LUZP2: variants seen among roughly 807,000 people sequenced by gnomAD.
The protein encoded by LUZP2 is leucine zipper protein 2.
In LUZP2, 52 loss-of-function variants were observed where a neutral mutation model predicts 51.6. The ratio of observed to expected loss-of-function variants is 1.01; its 90% confidence interval spans 0.81 to 1.27. LUZP2 has a LOEUF of 1.27. Among genes scored for constraint, LUZP2 ranks in the 50% most tolerant of loss-of-function variants. The pLI is 0.00. For missense variants in LUZP2, 436 were observed against 395.4 expected, an observed-to-expected ratio of 1.10 and a Z score of -0.87; for synonymous variants, 154 against 137.3, an observed-to-expected ratio of 1.12 and a Z score of -0.85.
intron 1 of LUZP2, among the ~76,000 whole-genome samples, chr11:24,594,971 A>G (rs1294762579): frequency 6.6e-6 from 1 of 151,586 alleles, no homozygotes; most frequent in Non-Finnish European, 1.5e-5. Context: ...CATATTGTTC[A>G]GGCTGGTCTC....
chr11:24,722,881 C>A (rs1858330454), intron 1 of LUZP2, among the ~76,000 whole-genome samples: 1 of 151,392 alleles, frequency 6.6e-6, no homozygotes, highest in Non-Finnish European at 1.5e-5. Context: ...CATGCCACTG[C>A]ACTACAACCT....
chr11:24,887,149 C>G (rs1272906482), intron 5 of LUZP2, among the ~76,000 whole-genome samples: 1 of 152,126 alleles, frequency 6.6e-6, no homozygotes, highest in Non-Finnish European at 1.5e-5. Flanking sequence ...GTTTTCCTGG[C>G]ATCCTGGGGA....
At chr11:24,747,280 A>G (rs1396342120) in intron 4 of LUZP2, among the ~76,000 whole-genome samples, 1 of 152,064 alleles carries the variant, frequency 6.6e-6, no homozygotes, top group Non-Finnish European at 1.5e-5. Context: ...GTGGATGTTC[A>G]TTCCTGTGAG....
intron 1 of LUZP2, among the ~76,000 whole-genome samples, chr11:24,569,491 G>A (rs1459294069): frequency 6.6e-6 from 1 of 151,986 alleles, no homozygotes; most frequent in Non-Finnish European, 1.5e-5. Flanking sequence ...TAATGTTGAT[G>A]CTGCTACTCT....
intron 1 of LUZP2, among the ~76,000 whole-genome samples, chr11:24,679,529 C>T (rs1856667600): frequency 6.6e-6 from 1 of 152,058 alleles, no homozygotes; most frequent in Non-Finnish European, 1.5e-5. Flanking sequence ...TTTGGAGTTA[C>T]ACTTTACTTT....
chr11:24,865,118 G>A (rs1851850855), intron 5 of LUZP2, among the ~76,000 whole-genome samples: 1 of 152,146 alleles, frequency 6.6e-6, no homozygotes, highest in Non-Finnish European at 1.5e-5. Context: ...AGCATGAGAG[G>A]AAAAGTCAAT....
At chr11:24,913,374 G>A (rs993331317) in intron 6 of LUZP2, among the ~76,000 whole-genome samples, 4 of 152,074 alleles carry the variant, frequency 2.6e-5, no homozygotes, top group East Asian at 3.9e-4. Context: ...CTCAGCAGTA[G>A]TCTAGTACTC....
In LUZP2 at chr11:24,738,301, C is replaced by T; in HGVS notation, c.332C>T (p.Thr111Ile). 6.2e-7 allele frequency: 1 copy of T among 1,609,852 alleles called. No homozygotes were observed. The highest frequency in any genetic ancestry group is 8.5e-7 in the Non-Finnish European group (1 of 1,176,904). The change falls in exon 4 of 12, where the codon ACT becomes ATT. Residue 111 changes from threonine (T) to isoleucine (I), a missense_variant and splice_region_variant. Transcript: ENST00000336930. ...TSEKAEKHQA[T>I]INFLKTEVER... Reference sequence around the variant, plus strand: ...GAGAAAGCAGAAAAACACCAGGCTACTGTAAGTGTGTTTCTTCTTTGTGCC... The same window carrying T: ...GAGAAAGCAGAAAAACACCAGGCTATTGTAAGTGTGTTTCTTCTTTGTGCC...
rs1227001989 is a variant in LUZP2 at position 25,080,477 on chromosome 11, C to A, written c.*1819C>A. 1 of 124,730 alleles carries A rather than the reference C, an allele frequency of 8.0e-6. No homozygotes were observed. Among genetic ancestry groups the A allele is most frequent in the African/African-American group, 2.6e-5 (1 of 38,936 alleles). The allele number at this position is 124,730 out of a possible 1,614,324, so 7.7% of individuals were successfully genotyped here. ...TTCATATTTTTCATAAAACCGGCTA[C>A]CCAAGGAAAAAAATAATTAGCTTTA... On this transcript the variant is annotated 3_prime_UTR_variant, in exon 12 of 12. Transcript: ENST00000336930.
intron 1 of LUZP2, among the ~76,000 whole-genome samples, chr11:24,651,053 C>CT (rs1855608999): frequency 6.6e-6 from 1 of 152,018 alleles, no homozygotes; most frequent in Admixed American, 6.6e-5. Flanking sequence ...TTGGCTTCAG[C>CT]TTTTTTCCTT....
chr11:24,861,111 G>A (rs981257981), intron 5 of LUZP2, among the ~76,000 whole-genome samples: 25 of 152,106 alleles, frequency 1.6e-4, no homozygotes, highest in Admixed American at 1.5e-3. Flanking sequence ...GAATGTAAAC[G>A]ACCTGATGAA....
At chr11:24,604,326 GA>G (rs201734561) in intron 1 of LUZP2, among the ~76,000 whole-genome samples, 2,227 of 151,808 alleles carry the variant, frequency 0.015, 62 homozygotes, top group African/African-American at 0.05. Context: ...GATATTTCTT[GA>G]AGATATAATA....
At chr11:24,549,106 A>G (rs1241940654) in intron 1 of LUZP2, among the ~76,000 whole-genome samples, 1 of 152,046 alleles carries the variant, frequency 6.6e-6, no homozygotes. Context: ...CTTTTGTTAT[A>G]AAATTTAGTT....
chr11:24,534,233 A>T (rs982164513), intron 1 of LUZP2, among the ~76,000 whole-genome samples: 16 of 91,090 alleles, frequency 1.8e-4, no homozygotes, highest in Non-Finnish European at 2.7e-4. Flanking sequence ...TTCTGAGATT[A>T]AAAAAAACAA....
At chr11:24,879,634 C>A (rs1048397234) in intron 5 of LUZP2, among the ~76,000 whole-genome samples, 3 of 152,148 alleles carry the variant, frequency 2.0e-5, no homozygotes, top group Admixed American at 6.5e-5. Context: ...GATGGTATCT[C>A]TTTCTGGTTT....
At chr11:24,625,112 A>G (rs569325563) in intron 1 of LUZP2, among the ~76,000 whole-genome samples, 163 of 152,174 alleles carry the variant, frequency 1.1e-3, no homozygotes, top group African/African-American at 3.7e-3. Context: ...GCATAACCTC[A>G]CTTATACATG....
intron 1 of LUZP2, among the ~76,000 whole-genome samples, chr11:24,547,230 C>T (rs760418942): frequency 2.0e-5 from 3 of 151,232 alleles, no homozygotes; most frequent in East Asian, 1.9e-4. Context: ...CTAAAATTCA[C>T]GTGGAACTAA....
chr11:25,010,312 G>T (rs1182678491), intron 9 of LUZP2, among the ~76,000 whole-genome samples: 1 of 152,158 alleles, frequency 6.6e-6, no homozygotes, highest in Non-Finnish European at 1.5e-5. Context: ...CCAGCACTTT[G>T]GGAGGCTGAG....
chr11:24,636,866 GCAAA>G (rs1384341797), intron 1 of LUZP2, among the ~76,000 whole-genome samples: 3 of 149,024 alleles, frequency 2.0e-5, no homozygotes, highest in Non-Finnish European at 4.4e-5. Context: ...AGAACAGAGG[GCAAA>G]CAGACATGAA....
Sources: allele counts gnomAD v4.1 joint callset (sites outside exome capture counted in the v4.1 genomes callset), GRCh38; gene constraint gnomAD v4.1.1; transcripts MANE v1.5; gene names NCBI Gene and HGNC (gene_info 2026-07-23, HGNC 2026-07-21).